The following SEPTIN14 variants were observed in gnomAD, a reference collection of about 807,000 sequenced individuals.
SEPTIN14 encodes the protein septin 14.
A neutral mutation model predicts 53.6 loss-of-function variants in SEPTIN14; 40 were observed. That is an observed-to-expected ratio of 0.75 (90% CI 0.58 to 0.97). SEPTIN14 has a LOEUF of 0.97. Ranked by LOEUF, SEPTIN14 falls within the 50% of genes least tolerant of loss-of-function variation. SEPTIN14 has a pLI of 0.00. For synonymous variants in SEPTIN14, 138 were observed against 166.8 expected, an observed-to-expected ratio of 0.83 and a Z score of 1.33; for missense variants, 471 against 508.2, an observed-to-expected ratio of 0.93 and a Z score of 0.70.
intron 4 of SEPTIN14, among the ~76,000 whole-genome samples, chr7:55,843,994 G>A (rs1413195784): frequency 6.6e-6 from 1 of 152,140 alleles, no homozygotes; most frequent in Non-Finnish European, 1.5e-5. Flanking sequence ...AAATTAGCCA[G>A]GCATGGTGGC....
intron 2 of SEPTIN14, among the ~76,000 whole-genome samples, chr7:55,858,570 A>C (rs1789688327): frequency 6.6e-6 from 1 of 152,136 alleles, no homozygotes; most frequent in African/African-American, 2.4e-5. Flanking sequence ...TTTGGGAGGC[A>C]GAGGCGAGCA....
intron 4 of SEPTIN14, 85 bp downstream of exon 4, chr7:55,844,438 A>G (rs1789365337): frequency 1.0e-5 from 6 of 601,476 alleles, no homozygotes; most frequent in Non-Finnish European, 1.4e-5. Flanking sequence ...AAAAGGTATT[A>G]CTTACACAAA....
In SEPTIN14 at chr7:55,843,041, G is replaced by A. The variant is rs202157028; in HGVS notation, c.459C>T (p.Tyr153=). 5.0e-5 allele frequency: 80 copies of A among 1,603,030 alleles called. No homozygotes were observed. The East Asian group carries it at 1.7e-3, about 35-fold the overall frequency. ...GACACACGTGGACGCGAGAATCATG[G>A]TACTCAAACAAGGAACGTTTAATCT... is the stretch of plus-strand genomic sequence containing the variant. ...ELKIKRSLFE[Y]HDSRVHVCLY... Residue 153 remains tyrosine (Y), a synonymous_variant, in exon 5 of 10, where the codon TAC becomes TAT. Coordinates refer to ENST00000388975, the MANE Select transcript of SEPTIN14 (RefSeq NM_207366.3).
intron 2 of SEPTIN14, among the ~76,000 whole-genome samples, chr7:55,859,647 C>T (rs1486527621): frequency 6.6e-6 from 1 of 151,976 alleles, no homozygotes; most frequent in Non-Finnish European, 1.5e-5. Flanking sequence ...TCTTTTATCC[C>T]TCTCTCCCTT....
chr7:55,819,029 A>G (rs1227310118), intron 7 of SEPTIN14, 98 bp downstream of exon 7: 1 of 706,890 alleles, frequency 1.4e-6, no homozygotes, highest in Non-Finnish European at 2.5e-6. Context: ...AGCAAGAGTT[A>G]CCAATATTAG....
intron 5 of SEPTIN14, among the ~76,000 whole-genome samples, chr7:55,836,903 AT>A (rs1789218176): frequency 6.6e-6 from 1 of 152,284 alleles, no homozygotes; most frequent in Non-Finnish European, 1.5e-5. Flanking sequence ...TGAACAATAT[AT>A]AGTAAAAGTT....
intron 6 of SEPTIN14, among the ~76,000 whole-genome samples, chr7:55,824,649 C>T (rs528214227): frequency 2.3e-4 from 35 of 149,364 alleles, no homozygotes; most frequent in African/African-American, 8.4e-4. Flanking sequence ...AATAGCCAGG[C>T]GTGGTGGTGC....
chr7:55,820,924 G>A (rs1788882998), intron 6 of SEPTIN14, among the ~76,000 whole-genome samples: 1 of 152,078 alleles, frequency 6.6e-6, no homozygotes, highest in African/African-American at 2.4e-5. Flanking sequence ...TGAGAAACAA[G>A]AGTGAGACTC....
At position 55,834,478 on chromosome 7, in the gene SEPTIN14, A is replaced by G. The variant is rs777892995; in HGVS notation, c.667T>C (p.Tyr223His). The change falls in exon 6 of 10, where the codon TAT (tyrosine) becomes CAT (histidine). Residue 223 changes from tyrosine to histidine, a missense_variant. By Grantham distance (83) the Tyr-to-His change is moderately conservative. Transcript: ENST00000388975. ...SELISNGIQI[Y>H]QLPTDEETAA... ...GTTTCTTCATCTGTTGGGAGCTGATATATCTGGATGCCATTGCTAATCAAT... is the reference window on the plus strand; with the variant it reads ...GTTTCTTCATCTGTTGGGAGCTGATGTATCTGGATGCCATTGCTAATCAAT... 3.7e-6 allele frequency: 6 copies of G among 1,613,346 alleles called. No homozygotes were observed. Among genetic ancestry groups the G allele is most frequent in the Non-Finnish European group, 5.1e-6 (6 of 1,179,512 alleles).
In SEPTIN14 at chr7:55,794,461, A is replaced by G. The variant is rs1266090192; in HGVS notation, c.*1452T>C. ...TACTATTGCTGGGTCCATTTATTCA[A>G]TGAATAATTGCTGCTATGCGTCAGA... is the stretch of plus-strand genomic sequence containing the variant. On this transcript the variant is annotated 3_prime_UTR_variant, in exon 10 of 10. Transcript: ENST00000388975. 3.3e-5 allele frequency: 5 copies of G among 152,184 alleles called. No individual in the cohort carries two copies. Among genetic ancestry groups the G allele is most frequent in the African/African-American group, 1.2e-4 (5 of 41,446 alleles). 9.4% of individuals were successfully genotyped at this position (152,184 alleles called of 1,614,324 possible).
Position 55,820,189 on chromosome 7 carries a change from C to T in SEPTIN14, c.721-966G>A, listed in dbSNP as rs374083546. Among the ~76,000 whole-genome samples the T allele has an allele frequency of 2.8e-4, 42 of 152,164 alleles. No individual in the cohort carries two copies. The South Asian group carries it at 7.5e-3, about 27-fold the overall frequency. ...TAATTTTTGTATTGTTTAGTAGAGACGGAGTTTCACCATGTTGGCCACGCT... is the reference window on the plus strand; with the variant it reads ...TAATTTTTGTATTGTTTAGTAGAGATGGAGTTTCACCATGTTGGCCACGCT... On this transcript the variant is annotated intron_variant, in intron 6 of 9. Transcript: ENST00000388975.
rs1190204927 is a variant in SEPTIN14, at chr7:55,800,909, C to T, written c.1119+4349G>A. 3.3e-5 allele frequency among the ~76,000 whole-genome samples: 5 copies of T among 152,118 alleles called. No individual in the cohort carries two copies. The East Asian group carries it at 9.6e-4, about 29-fold the overall frequency. ...CATTTAACTTGATGTGATTATTACA[C>T]ATTGTATGCCTATATCAAAATATCT... On this transcript the variant is annotated intron_variant, in intron 9 of 9. Coordinates refer to ENST00000388975, the MANE Select transcript of SEPTIN14 (RefSeq NM_207366.3).
At position 55,846,535 on chromosome 7, in the gene SEPTIN14, A is replaced by C; in HGVS notation, c.157T>G (p.Phe53Val). The C allele has an allele frequency of 6.3e-7, 1 of 1,595,016 alleles. No individual in the cohort carries two copies. ...CACTTACCCACACAGAGAATATTAAAAGTGAATCCTTGTCGGATAGATCTG... is the reference window on the plus strand; with the variant it reads ...CACTTACCCACACAGAGAATATTAACAGTGAATCCTTGTCGGATAGATCTG... ...VSRSIRQGFT[F>V]NILCVGETGI... is the part of the protein sequence containing the mutation. Residue 53 changes from phenylalanine to valine, a missense_variant, in exon 3 of 10, where the codon TTT becomes GTT. Phe to Val is a conservative substitution (Grantham distance 50). Coordinates refer to ENST00000388975, the MANE Select transcript of SEPTIN14 (RefSeq NM_207366.3).
rs531279727 is a variant in SEPTIN14 at position 55,800,973 on chromosome 7, T to C, written c.1119+4285A>G. On this transcript the variant is annotated intron_variant, in intron 9 of 9. Coordinates refer to ENST00000388975, the MANE Select transcript of SEPTIN14 (RefSeq NM_207366.3). ...AATATGTATACCTACTAGGTACCCA[T>C]AGAAATTAAAAATTAAAAAATATAC... 2.0e-5 allele frequency among the ~76,000 whole-genome samples: 3 copies of C among 152,180 alleles called. No individual in the cohort carries two copies. In the South Asian group the frequency reaches 6.2e-4, roughly 32 times the overall value.
chr7:55,845,283 T>C (rs1027111522), intron 3 of SEPTIN14, among the ~76,000 whole-genome samples: 18 of 150,720 alleles, frequency 1.2e-4, no homozygotes, highest in Non-Finnish European at 2.4e-4. Context: ...CTATTCACAG[T>C]AGCAAAGACA....
chr7:55,830,332 TA>T (rs1789079941), intron 6 of SEPTIN14, among the ~76,000 whole-genome samples: 1 of 30,436 alleles, frequency 3.3e-5, no homozygotes, highest in Non-Finnish European at 5.4e-5. Context: ...TATATATATA[TA>T]TATATATATA....
intron 5 of SEPTIN14, 89 bp downstream of exon 5, chr7:55,842,853 C>A (rs558535589): frequency 1.9e-5 from 14 of 721,430 alleles, no homozygotes; most frequent in South Asian, 3.0e-5. Context: ...GCGGAGCTTG[C>A]GGTGAGATCG....
Position 55,794,529 on chromosome 7 carries a change from A to G in SEPTIN14, c.*1384T>C, listed in dbSNP as rs1294758360. The G allele has an allele frequency of 6.6e-6, 1 of 152,118 alleles. No individual in the cohort carries two copies. Among genetic ancestry groups the G allele is most frequent in the Non-Finnish European group, 1.5e-5 (1 of 68,032 alleles). 9.4% of individuals were successfully genotyped at this position (152,118 alleles called of 1,614,324 possible). A position where few individuals can be genotyped will look rare whatever the true frequency, so the allele number is the denominator to read the frequency against. On this transcript the variant is annotated 3_prime_UTR_variant, in exon 10 of 10. Coordinates refer to ENST00000388975, the MANE Select transcript of SEPTIN14 (RefSeq NM_207366.3). ...GAATGGATACATAAGTGAACAAAGC[A>G]AAGATTCTGGTTCTTGTAGAGTTTC...
chr7:55,846,064 A>AAATATATATAT (rs1562718590), intron 3 of SEPTIN14, among the ~76,000 whole-genome samples: 1 of 7,384 alleles, frequency 1.4e-4, no homozygotes, highest in African/African-American at 2.9e-4. Context: ...AAAAAAAAAA[A>AAATATATATAT]GTATATATAT....
Sources: gnomAD v4.1 joint callset for allele counts (sites outside exome capture counted in the v4.1 genomes callset) on GRCh38, gnomAD v4.1.1 for gene constraint, MANE v1.5 for transcripts, NCBI Gene and HGNC (gene_info 2026-07-23, HGNC 2026-07-21) for gene names.